The following VWA8 variants were observed in gnomAD, a reference collection of about 807,000 sequenced individuals.
VWA8 encodes the protein von Willebrand factor A domain containing 8.
A neutral mutation model predicts 241.5 loss-of-function variants in VWA8; 221 were observed. That is an observed-to-expected ratio of 0.91 (90% CI 0.82 to 1.02). The LOEUF is 1.02. VWA8 is among the 50% of genes least tolerant of loss of function. VWA8 has a pLI of 0.00. For synonymous variants in VWA8, 852 were observed against 827.1 expected (o/e 1.03, Z -0.52); for missense variants, 2,322 against 2,328.7 (o/e 1.00, Z 0.06).
At chr13:41,927,384 A>G (rs963696274) in intron 2 of VWA8, 10 of 501,126 alleles carry the variant, frequency 2.0e-5, no homozygotes, top group Non-Finnish European at 4.1e-5. Flanking sequence ...TAAGTCAAGC[A>G]TCTTTGCACA....
chr13:41,574,997 G>A (rs921000258), intron 43 of VWA8, among the ~76,000 whole-genome samples: 3 of 152,280 alleles, frequency 2.0e-5, no homozygotes, highest in Admixed American at 6.5e-5. Flanking sequence ...CAATTGCAAT[G>A]ATATGGAACC....
chr13:41,884,381 CGT>C (rs1316410664), intron 8 of VWA8, among the ~76,000 whole-genome samples: 1 of 146,786 alleles, frequency 6.8e-6, no homozygotes. Flanking sequence ...ATGTGAAGGA[CGT>C]GTTTGCTTCC....
At chr13:41,867,216 C>A (rs1198160762) in intron 10 of VWA8, among the ~76,000 whole-genome samples, 1 of 152,176 alleles carries the variant, frequency 6.6e-6, no homozygotes, top group Non-Finnish European at 1.5e-5. Flanking sequence ...CACTCCTGAG[C>A]CACTTGAAAA....
At chr13:41,782,909 G>T (rs1868955527) in intron 19 of VWA8, among the ~76,000 whole-genome samples, 1 of 151,456 alleles carries the variant, frequency 6.6e-6, no homozygotes, top group South Asian at 2.1e-4. Context: ...ATGTCTTAGT[G>T]GAAGGTCCAT....
intron 17 of VWA8, among the ~76,000 whole-genome samples, chr13:41,805,353 T>C (rs1303854971): frequency 2.0e-5 from 3 of 152,170 alleles, no homozygotes. Context: ...AAAGGGTCAA[T>C]TCAGCAAGAG....
chr13:41,878,731 C>A (rs73185330), intron 9 of VWA8, among the ~76,000 whole-genome samples: 1,891 of 152,176 alleles, frequency 0.012, 13 homozygotes, highest in East Asian at 0.021. Flanking sequence ...AATCATTTTT[C>A]TACGTTCCCC....
intron 34 of VWA8, among the ~76,000 whole-genome samples, chr13:41,689,037 A>G (rs1003938901): frequency 8.6e-5 from 13 of 151,968 alleles, no homozygotes; most frequent in Non-Finnish European, 1.9e-4. Context: ...TTAAAAAATT[A>G]TAGAAGACAT....
At chr13:41,947,421 T>C (rs1877899482) in intron 2 of VWA8, among the ~76,000 whole-genome samples, 1 of 152,136 alleles carries the variant, frequency 6.6e-6, no homozygotes, top group Non-Finnish European at 1.5e-5. Flanking sequence ...AAAAACTCAT[T>C]TAAAGAATTT....
At chr13:41,800,375 A>G (rs1258072232) in intron 17 of VWA8, among the ~76,000 whole-genome samples, 2 of 152,168 alleles carry the variant, frequency 1.3e-5, no homozygotes, top group Non-Finnish European at 2.9e-5. Flanking sequence ...GTTAACAATT[A>G]CTTATTATAT....
At chr13:41,850,505 A>G (rs1872485872) in intron 12 of VWA8, among the ~76,000 whole-genome samples, 1 of 152,148 alleles carries the variant, frequency 6.6e-6, no homozygotes, top group Non-Finnish European at 1.5e-5. Flanking sequence ...CCATAGCACT[A>G]TGTTAGGTCC....
chr13:41,769,144 G>T (rs2045800607), intron 20 of VWA8, among the ~76,000 whole-genome samples: 1 of 152,132 alleles, frequency 6.6e-6, no homozygotes, highest in African/African-American at 2.4e-5. Context: ...TGGGATCAAG[G>T]CATCCGCCTA....
At chr13:41,887,087 G>A in intron 6 of VWA8, 110 bp downstream of exon 6, 2 of 1,262,492 alleles carry the variant, frequency 1.6e-6, no homozygotes, top group Non-Finnish European at 2.2e-6. Context: ...ATCTTTCCAT[G>A]ACCTACTCAG....
At position 41,811,345 on chromosome 13, in the gene VWA8, C is replaced by A. The variant is rs765979113; in HGVS notation, c.1948-5G>T. 21 of 1,603,882 alleles carry A rather than the reference C, an allele frequency of 1.3e-5. No individual in the cohort carries two copies. Among genetic ancestry groups the A allele is most frequent in the Non-Finnish European group, 3.4e-6 (4 of 1,172,334 alleles). On this transcript the variant is annotated splice_polypyrimidine_tract_variant and splice_region_variant and intron_variant, in intron 16 of 44. Coordinates refer to ENST00000379310, the MANE Select transcript of VWA8 (RefSeq NM_015058.2). ...TGATGCCGCTAATGATTGTGCCTAT[C>A]AAAAGACAAATACATTGTGTTAAGA...
At chr13:41,684,255 A>G (rs572580702) in intron 35 of VWA8, among the ~76,000 whole-genome samples, 9 of 152,260 alleles carry the variant, frequency 5.9e-5, no homozygotes, top group African/African-American at 1.7e-4. Flanking sequence ...CCTGTTACAG[A>G]TTATTATAAT....
At chr13:41,736,704 C>T (rs2045527425) in intron 21 of VWA8, among the ~76,000 whole-genome samples, 1 of 151,996 alleles carries the variant, frequency 6.6e-6, no homozygotes, top group Non-Finnish European at 1.5e-5. Context: ...TGAAAATCTT[C>T]TCTGTCTTTA....
intron 26 of VWA8, among the ~76,000 whole-genome samples, chr13:41,715,376 G>A (rs538831017): frequency 1.2e-4 from 18 of 151,996 alleles, no homozygotes; most frequent in East Asian, 1.2e-3. Context: ...AAGTTAGAGC[G>A]ACATATAAAT....
intron 41 of VWA8, 151 bp downstream of exon 41, chr13:41,590,489 C>T (rs2044446908): frequency 3.3e-6 from 3 of 903,458 alleles, no homozygotes; most frequent in South Asian, 4.8e-5. Flanking sequence ...AGTTTTTCTT[C>T]TTCTTCTTCT....
At position 41,567,940 on chromosome 13, in the gene VWA8, CT is replaced by C; in HGVS notation, c.*256del. On this transcript the variant is annotated 3_prime_UTR_variant, in exon 45 of 45. Coordinates refer to ENST00000379310, the MANE Select transcript of VWA8 (RefSeq NM_015058.2). ...AAAACCACCTTCCTTTAACCCCAAC[CT>C]TTGATAAAGTGCAGGTCAACTAGCT... 2.8e-6 allele frequency: 1 copy of C among 357,810 alleles called. No individual in the cohort carries two copies. The highest frequency in any genetic ancestry group is 7.3e-4 in the Middle Eastern group (1 of 1,378). 22.2% of individuals were successfully genotyped at this position (357,810 alleles called of 1,614,324 possible).
chr13:41,783,307 C>T (rs1467958554), intron 19 of VWA8, among the ~76,000 whole-genome samples: 3 of 150,580 alleles, frequency 2.0e-5, no homozygotes, highest in Admixed American at 2.0e-4. Context: ...TTTTAAGTAC[C>T]TTTGGAAAAA....
Sources: allele counts gnomAD v4.1 joint callset (sites outside exome capture counted in the v4.1 genomes callset), GRCh38; gene constraint gnomAD v4.1.1; transcripts MANE v1.5; gene names NCBI Gene and HGNC (gene_info 2026-07-23, HGNC 2026-07-21).